Variants in PITPNC1 observed in about 807,000 individuals in gnomAD.
PITPNC1 encodes the protein cytoplasmic phosphatidylinositol transfer protein 1.
In PITPNC1, 18 loss-of-function variants were observed where a neutral mutation model predicts 44.7. The observed-to-expected ratio is 0.40, with a 90% CI of 0.28 to 0.60. The LOEUF is 0.60. PITPNC1 is among the 20% of genes least tolerant of loss of function. The pLI is 0.39. For synonymous variants in PITPNC1, 141 were observed against 149.6 expected, an observed-to-expected ratio of 0.94 and a Z score of 0.42; for missense variants, 290 against 418.4, an observed-to-expected ratio of 0.69 and a Z score of 2.68.
At chr17:67,494,215 TTTTGAGACGTAG>T (rs2039909195) in intron 1 of PITPNC1, among the ~76,000 whole-genome samples, 4 of 148,852 alleles carry the variant, frequency 2.7e-5, no homozygotes, top group South Asian at 2.1e-4. Context: ...CTTTCTTTCT[TTTTGAGACGTAG>T]TCTTGCTCTG....
At position 67,460,002 on chromosome 17, in the gene PITPNC1, G is replaced by A. The variant is rs572923778; in HGVS notation, c.49-72800G>A. ...GTAACAGAGCTCTTCTATCTCTCTCGTTTCTTTCTCCCAGCTTTCCCACCA... is the reference window on the plus strand; with the variant it reads ...GTAACAGAGCTCTTCTATCTCTCTCATTTCTTTCTCCCAGCTTTCCCACCA... On this transcript the variant is annotated intron_variant, in intron 1 of 8. Coordinates refer to ENST00000581322, the MANE Select transcript of PITPNC1 (RefSeq NM_012417.4). Among the ~76,000 whole-genome samples the A allele has an allele frequency of 5.3e-5, 8 of 152,170 alleles. No homozygotes were observed. In the South Asian group the frequency reaches 1.2e-3, roughly 24 times the overall value.
chr17:67,599,028 ATATATATT>A (rs1394069982), intron 5 of PITPNC1, among the ~76,000 whole-genome samples: 249 of 32,550 alleles, frequency 7.6e-3, no homozygotes, highest in South Asian at 0.02. Flanking sequence ...ATATATATAT[ATATATATT>A]TTTTTTTTTT....
intron 1 of PITPNC1, among the ~76,000 whole-genome samples, chr17:67,457,989 C>A (rs779466876): frequency 2.0e-4 from 31 of 152,158 alleles, no homozygotes; most frequent in Non-Finnish European, 3.8e-4. Flanking sequence ...CAGCTGATGG[C>A]AGAATATGAC....
chr17:67,567,212 G>T (rs768704537), intron 4 of PITPNC1, among the ~76,000 whole-genome samples: 2 of 152,144 alleles, frequency 1.3e-5, no homozygotes, highest in Admixed American at 6.6e-5. Context: ...CAGGCCAGGC[G>T]CGGTGGCTCA....
chr17:67,434,148 G>T (rs928977619), intron 1 of PITPNC1, among the ~76,000 whole-genome samples: 2 of 152,150 alleles, frequency 1.3e-5, no homozygotes, highest in Non-Finnish European at 2.9e-5. Context: ...AGAGCCCAGT[G>T]CCTAGAACCT....
chr17:67,640,759 G>A lies in PITPNC1; in HGVS notation c.462+8521G>A, dbSNP rs530374936. Among the ~76,000 whole-genome samples, 25 of 151,830 alleles carry A rather than the reference G, an allele frequency of 1.6e-4. No individual in the cohort carries two copies. The South Asian group carries it at 2.9e-3, about 18-fold the overall frequency. On this transcript the variant is annotated intron_variant, in intron 6 of 8. Transcript: ENST00000581322. ...AATCCTAGCACTTTGGGAGGCCGAGGCAGGCAGATTGCCTGAGCTCAGGAG... is the reference window on the plus strand; with the variant it reads ...AATCCTAGCACTTTGGGAGGCCGAGACAGGCAGATTGCCTGAGCTCAGGAG...
chr17:67,468,470 C>T (rs1185598569), intron 1 of PITPNC1, among the ~76,000 whole-genome samples: 2 of 144,550 alleles, frequency 1.4e-5, no homozygotes, highest in African/African-American at 5.1e-5. Flanking sequence ...GGCATGATCT[C>T]GGCTCACTGC....
intron 6 of PITPNC1, among the ~76,000 whole-genome samples, chr17:67,659,827 A>G (rs1225267494): frequency 1.3e-5 from 2 of 152,182 alleles, no homozygotes; most frequent in Non-Finnish European, 2.9e-5. Context: ...GATTTTGGAC[A>G]TAAGTATACA....
intron 1 of PITPNC1, among the ~76,000 whole-genome samples, chr17:67,449,677 T>C (rs2039148804): frequency 6.6e-6 from 1 of 152,232 alleles, no homozygotes; most frequent in Admixed American, 6.5e-5. Context: ...TCAACAAGTT[T>C]CTCTGTTTTG....
chr17:67,441,001 A>G (rs941412163), intron 1 of PITPNC1, among the ~76,000 whole-genome samples: 3 of 152,198 alleles, frequency 2.0e-5, no homozygotes, highest in Admixed American at 6.5e-5. Flanking sequence ...GCAACCAGGT[A>G]GTACCTAAGT....
intron 1 of PITPNC1, 77 bp downstream of exon 1, chr17:67,378,279 C>T (rs2037901752): frequency 1.0e-6 from 1 of 985,326 alleles, no homozygotes. Context: ...CGGCGAGCCC[C>T]GGGCGAGCGG....
intron 5 of PITPNC1, among the ~76,000 whole-genome samples, chr17:67,620,122 C>T (rs1226534955): frequency 6.6e-6 from 1 of 152,118 alleles, no homozygotes; most frequent in African/African-American, 2.4e-5. Flanking sequence ...GGCTCTGTCA[C>T]AGCTCACTGC....
chr17:67,638,353 T>C (rs2042056654), intron 6 of PITPNC1: 1 of 152,222 alleles, frequency 6.6e-6, no homozygotes, highest in Non-Finnish European at 1.5e-5. Flanking sequence ...TGATATTGGC[T>C]TCTAGTCAAG....
At chr17:67,540,822 G>A (rs559605525) in intron 2 of PITPNC1, among the ~76,000 whole-genome samples, 1 of 152,258 alleles carries the variant, frequency 6.6e-6, no homozygotes, top group African/African-American at 2.4e-5. Context: ...TCTGAATTTG[G>A]TCCTATTGGA....
At chr17:67,592,823 G>C (rs941002693) in intron 5 of PITPNC1, among the ~76,000 whole-genome samples, 3 of 152,208 alleles carry the variant, frequency 2.0e-5, no homozygotes, top group Non-Finnish European at 2.9e-5. Context: ...GATCACTTGA[G>C]TCCAGGAGTT....
At chr17:67,388,690 G>T (rs571901766) in intron 1 of PITPNC1, among the ~76,000 whole-genome samples, 1 of 151,812 alleles carries the variant, frequency 6.6e-6, no homozygotes, top group South Asian at 2.1e-4. Context: ...GCATGATCTC[G>T]ACTCACTGCA....
At chr17:67,606,111 T>C (rs2041604327) in intron 5 of PITPNC1, among the ~76,000 whole-genome samples, 1 of 152,314 alleles carries the variant, frequency 6.6e-6, no homozygotes, top group Non-Finnish European at 1.5e-5. Context: ...GGAAGCTTTC[T>C]GCCCTCAACT....
In PITPNC1 at chr17:67,585,118, G is replaced by GAA. The variant is rs397857902; in HGVS notation, c.366+6878_366+6879dup. 1.9e-3 allele frequency among the ~76,000 whole-genome samples: 159 copies of GAA among 82,064 alleles called. 5 individuals are homozygous for GAA. The highest frequency in any genetic ancestry group is 5.6e-3 in the African/African-American group (131 of 23,226). The allele number at this position is 82,064 out of a possible 152,430, so 53.8% of individuals were successfully genotyped here. On this transcript the variant is annotated intron_variant, in intron 5 of 8. Transcript: ENST00000581322. ...GCAACAAGAGTGAAACTCCATCTCA[G>GAA]AAAAAAAAAAAAAAAAAACCAGACA...
intron 8 of PITPNC1, among the ~76,000 whole-genome samples, chr17:67,677,339 C>T (rs1303726681): frequency 6.6e-6 from 1 of 152,132 alleles, no homozygotes; most frequent in Non-Finnish European, 1.5e-5. Context: ...ACACACAGGG[C>T]ACTTGGATAG....
Sources: gnomAD v4.1 joint callset for allele counts (sites outside exome capture counted in the v4.1 genomes callset) on GRCh38, gnomAD v4.1.1 for gene constraint, MANE v1.5 for transcripts, NCBI Gene and HGNC (gene_info 2026-07-23, HGNC 2026-07-21) for gene names.